Variants in MTCL1 observed in about 807,000 individuals in gnomAD.
MTCL1 encodes the protein microtubule crosslinking factor 1, also known as microtubule cross-linking factor 1.
MTCL1 carries 79 observed loss-of-function variants against 141.4 expected under a neutral mutation model. That is an observed-to-expected ratio of 0.56 (90% CI 0.47 to 0.67). MTCL1 has a LOEUF of 0.67. Ranked by LOEUF, MTCL1 falls within the 30% of genes least tolerant of loss-of-function variation. MTCL1 has a pLI of 0.00. For missense variants in MTCL1, 2,177 were observed against 2,113.9 expected, an observed-to-expected ratio of 1.03 and a Z score of -0.59; for synonymous variants, 914 against 875.8, an observed-to-expected ratio of 1.04 and a Z score of -0.77.
At chr18:8,761,155 G>C (rs1010256461) in intron 4 of MTCL1, among the ~76,000 whole-genome samples, 3 of 152,130 alleles carry the variant, frequency 2.0e-5, no homozygotes, top group Non-Finnish European at 2.9e-5. Flanking sequence ...GCCTGTCTTT[G>C]CTTCTTGGCC....
At chr18:8,750,031 T>C (rs2096362646) in intron 4 of MTCL1, among the ~76,000 whole-genome samples, 1 of 152,154 alleles carries the variant, frequency 6.6e-6, no homozygotes, top group Non-Finnish European at 1.5e-5. Context: ...TTATTTTTTA[T>C]ATTTGTTTTT....
chr18:8,791,403 C>T lies in MTCL1; in HGVS notation c.1888-1595C>T, dbSNP rs577186716. ...TTGCTAGCTCCACCAAACAGGAAAC[C>T]AATCTGGAGGCACATCCTCCACCCA... On this transcript the variant is annotated intron_variant, in intron 7 of 16. Coordinates refer to ENST00000359865, the Ensembl canonical transcript of MTCL1. Among the ~76,000 whole-genome samples the T allele has an allele frequency of 7.3e-5, 11 of 150,292 alleles. 1 individual carries two copies. The South Asian group carries it at 1.5e-3, about 21-fold the overall frequency.
At chr18:8,776,583 A>G (rs2096509809) in intron 4 of MTCL1, among the ~76,000 whole-genome samples, 1 of 152,190 alleles carries the variant, frequency 6.6e-6, no homozygotes, top group African/African-American at 2.4e-5. Flanking sequence ...GCTTTGTAAG[A>G]TCTTTAAGAT....
chr18:8,774,963 C>T (rs745618984), intron 4 of MTCL1, among the ~76,000 whole-genome samples: 13 of 152,092 alleles, frequency 8.5e-5, no homozygotes, highest in Non-Finnish European at 1.5e-4. Context: ...GGGGAAGGGA[C>T]ACATGGGGTA....
At chr18:8,757,927 T>C (rs902752210) in intron 4 of MTCL1, among the ~76,000 whole-genome samples, 24 of 152,218 alleles carry the variant, frequency 1.6e-4, no homozygotes, top group Admixed American at 1.4e-3. Context: ...CTTGTCAGCT[T>C]TTTTATCCAA....
At chr18:8,816,467 ATC>A (rs1484967791) in intron 12 of MTCL1, among the ~76,000 whole-genome samples, 1 of 152,174 alleles carries the variant, frequency 6.6e-6, no homozygotes, top group African/African-American at 2.4e-5. Flanking sequence ...AACACATTTT[ATC>A]TCTCTTATCA....
chr18:8,814,232 A>G (rs1457809142), intron 12 of MTCL1, among the ~76,000 whole-genome samples: 1 of 152,196 alleles, frequency 6.6e-6, no homozygotes, highest in African/African-American at 2.4e-5. Flanking sequence ...AAATGGTAAG[A>G]AAGACCAAGA....
At chr18:8,709,637 T>A (rs2096076099) in intron 1 of MTCL1, among the ~76,000 whole-genome samples, 1 of 152,210 alleles carries the variant, frequency 6.6e-6, no homozygotes, top group African/African-American at 2.4e-5. Flanking sequence ...CCACAAATTT[T>A]ACGTTGCTAT....
chr18:8,760,887 G>C (rs1415504507), intron 4 of MTCL1, among the ~76,000 whole-genome samples: 1 of 152,192 alleles, frequency 6.6e-6, no homozygotes, highest in Admixed American at 6.5e-5. Flanking sequence ...TAAGGATTGA[G>C]AAATGATGAC....
Position 8,813,250 on chromosome 18 carries a change from G to A in MTCL1, c.2859+17G>A. ...ATAGAGCAGGTAAGGAGGCACCCCG[G>A]GGCCCTGGAGCATAGGCACAGAGTG... On this transcript the variant is annotated intron_variant, in intron 12 of 16. Transcript: ENST00000359865. 1.9e-6 allele frequency: 3 copies of A among 1,606,998 alleles called. No homozygotes were observed. The highest frequency in any genetic ancestry group is 2.5e-6 in the Non-Finnish European group (3 of 1,176,748).
rs904823455 is a variant in MTCL1 at position 8,779,337 on chromosome 18, C to T, written c.417+1445C>T. Among the ~76,000 whole-genome samples the T allele has an allele frequency of 2.6e-5, 4 of 152,138 alleles. No homozygotes were observed. The highest frequency in any genetic ancestry group is 5.9e-5 in the Non-Finnish European group (4 of 68,026). Reference sequence around the variant, plus strand: ...AGTTGGACTTGACCTACTTTCATACCACATTCCTGGGGCTATCCAATGATC... The same window carrying T: ...AGTTGGACTTGACCTACTTTCATACTACATTCCTGGGGCTATCCAATGATC... On this transcript the variant is annotated intron_variant, in intron 5 of 16. Transcript: ENST00000359865. The surrounding 1 kb of genome is among the most constrained non-coding windows in gnomAD (Gnocchi z 4.1).
chr18:8,785,917 C>T lies in MTCL1; in HGVS notation c.1732-19C>T, dbSNP rs544712884. ...TTTTAAAGAACAACAACAACAAATT[C>T]CTCCCGTGCACCTAACAGTCCAGAC... On this transcript the variant is annotated intron_variant, in intron 6 of 16. Transcript: ENST00000359865. 1.2e-5 allele frequency: 19 copies of T among 1,549,794 alleles called. No individual in the cohort carries two copies. The East Asian group carries it at 2.0e-4, about 17-fold the overall frequency.
chr18:8,716,420 T>G (rs1293385922), upstream of MTCL1, among the ~76,000 whole-genome samples: 1 of 152,216 alleles, frequency 6.6e-6, no homozygotes, highest in Non-Finnish European at 1.5e-5. Flanking sequence ...TAGACCATTG[T>G]GTGCAGGTAA....
Position 8,728,769 on chromosome 18 carries a change from C to T in MTCL1, c.357+8273C>T, listed in dbSNP as rs577405956. Among the ~76,000 whole-genome samples the T allele has an allele frequency of 6.2e-3, 289 of 46,390 alleles. 1 individual carries two copies. Among genetic ancestry groups the T allele is most frequent in the African/African-American group, 0.039 (271 of 6,998 alleles). The allele number at this position is 46,390 out of a possible 152,430, so 30.4% of individuals were successfully genotyped here. Reference sequence around the variant, plus strand: ...TTTTTGAGACGGAGTCTCGCTCTGTCGCCCAGGCTGGAGTGCAGTGGCGTG... The same window carrying T: ...TTTTTGAGACGGAGTCTCGCTCTGTTGCCCAGGCTGGAGTGCAGTGGCGTG... On this transcript the variant is annotated intron_variant, in intron 4 of 16. Transcript: ENST00000359865.
intron 8 of MTCL1, among the ~76,000 whole-genome samples, chr18:8,794,514 C>G (rs1178502061): frequency 6.6e-6 from 1 of 152,188 alleles, no homozygotes; most frequent in Non-Finnish European, 1.5e-5. Flanking sequence ...TGCTGCCTCC[C>G]GTGGTGCGGG....
chr18:8,799,128 C>A (rs550944115), intron 10 of MTCL1, among the ~76,000 whole-genome samples: 1 of 152,202 alleles, frequency 6.6e-6, no homozygotes, highest in African/African-American at 2.4e-5. Context: ...GTCATATGGG[C>A]GCGGCTCTAG....
chr18:8,773,121 C>T (rs1258233835), intron 4 of MTCL1, among the ~76,000 whole-genome samples: 1 of 152,082 alleles, frequency 6.6e-6, no homozygotes, highest in Non-Finnish European at 1.5e-5. Context: ...ATAGAAGGTG[C>T]GGTGAAGAGT....
intron 4 of MTCL1, among the ~76,000 whole-genome samples, chr18:8,730,164 G>C (rs2096242980): frequency 6.6e-6 from 1 of 152,008 alleles, no homozygotes; most frequent in African/African-American, 2.4e-5. Context: ...ATCTCTGCCA[G>C]AGCCACCCAG....
chr18:8,729,606 T>G (rs1356829730), intron 4 of MTCL1, among the ~76,000 whole-genome samples: 1 of 145,728 alleles, frequency 6.9e-6, no homozygotes, highest in Non-Finnish European at 1.5e-5. Context: ...GGTCTCACAG[T>G]GTTGCTCAGG....
Sources: allele counts gnomAD v4.1 joint callset (sites outside exome capture counted in the v4.1 genomes callset), GRCh38; gene constraint gnomAD v4.1.1; non-coding constraint Gnocchi (gnomAD v3.1); transcripts MANE v1.5; gene names NCBI Gene and HGNC (gene_info 2026-07-23, HGNC 2026-07-21).